NLRP5: variants seen among roughly 807,000 people sequenced by gnomAD.
The protein encoded by NLRP5 is NACHT, LRR and PYD domains-containing protein 5.
Under a neutral mutation model 113.1 loss-of-function variants are expected in NLRP5, and 93 were observed. That is an observed-to-expected ratio of 0.82 (90% confidence interval 0.70 to 0.98). The LOEUF (loss-of-function observed/expected upper bound fraction) is 0.98, where lower values mean the gene tolerates loss of function less well. NLRP5 is among the 50% of genes least tolerant of loss of function. The probability of loss-of-function intolerance (pLI) is 0.00; values close to 1 mark genes in which losing one functional copy is unlikely to be tolerated. For missense variants in NLRP5, 1,808 were observed against 1,514.3 expected (o/e 1.19, Z -3.22); for synonymous variants, 751 against 600.7 (o/e 1.25, Z -3.66).
At chr19:56,017,542 G>C (rs1055221716) in intron 4 of NLRP5, among the ~76,000 whole-genome samples, 2 of 152,004 alleles carry the variant, frequency 1.3e-5, no homozygotes, top group East Asian at 1.9e-4. Context: ...GGATCGTGTG[G>C]CTTCACTTCC....
the NLRP5 span, among the ~76,000 whole-genome samples, chr19:55,989,283 T>C: frequency 6.6e-6 from 1 of 152,180 alleles, no homozygotes; most frequent in Admixed American, 6.6e-5. Context: ...TTAGACAAAG[T>C]CTCCCTCTTT....
the NLRP5 span, among the ~76,000 whole-genome samples, chr19:55,990,959 G>A: frequency 6.6e-6 from 1 of 152,082 alleles, no homozygotes; most frequent in Non-Finnish European, 1.5e-5. Context: ...ACTCTAGCCT[G>A]GGCAACAAAA....
At chr19:55,999,463 G>A (rs767087373), upstream of NLRP5, among the ~76,000 whole-genome samples, 22 of 151,916 alleles carry the variant, frequency 1.4e-4, no homozygotes, top group Non-Finnish European at 2.6e-4. Context: ...TGATCTGCCC[G>A]CCTCGGCAGT....
intron 13 of NLRP5, 48 bp from the exon 14 acceptor site, chr19:56,058,191 GT>G (rs1984226703): frequency 7.1e-7 from 1 of 1,408,690 alleles, no homozygotes; most frequent in African/African-American, 1.4e-5. Flanking sequence ...TGAATGAAGG[GT>G]CCATCATCGA....
the NLRP5 span, among the ~76,000 whole-genome samples, chr19:55,991,817 T>A: frequency 2.0e-5 from 3 of 152,210 alleles, no homozygotes; most frequent in African/African-American, 7.2e-5. Context: ...ATATCAGATA[T>A]AAAGAATAGG....
chr19:56,006,773 T>G (rs1981930872), intron 2 of NLRP5, among the ~76,000 whole-genome samples: 1 of 151,252 alleles, frequency 6.6e-6, no homozygotes. Flanking sequence ...GGAGTCTGGC[T>G]CTGTCGCCCA....
chr19:56,055,537 C>CTTTTTTTTTTTTTTTTTTTTTTT (rs1160965587), intron 13 of NLRP5, among the ~76,000 whole-genome samples: 8 of 76,456 alleles, frequency 1.0e-4, no homozygotes, highest in Non-Finnish European at 1.7e-4. Flanking sequence ...CTTTCTCTGT[C>CTTTTTTTTTTTTTTTTTTTTTTT]TTTTTTTTTT....
At chr19:56,017,863 G>C (rs1278137513) in intron 4 of NLRP5, among the ~76,000 whole-genome samples, 1 of 152,204 alleles carries the variant, frequency 6.6e-6, no homozygotes, top group East Asian at 1.9e-4. Flanking sequence ...TCCCAGGATG[G>C]AGTGCGGTCG....
At position 56,003,897 on chromosome 19, in the gene NLRP5, G is replaced by A. The variant is rs780828462; in HGVS notation, c.244G>A (p.Glu82Lys). The A allele has an allele frequency of 1.2e-6, 2 of 1,613,978 alleles. No individual in the cohort carries two copies. The highest frequency in any genetic ancestry group is 4.5e-5 in the East Asian group (2 of 44,890). The change falls in exon 2 of 15, where the codon GAA becomes AAA. Residue 82 changes from glutamate (E) to lysine (K), a missense_variant. Coordinates refer to ENST00000390649, the MANE Select transcript of NLRP5 (RefSeq NM_153447.4). ...CAAGGAAGAATTTCAGACATTCAAG[G>A]AATTACTAAAGAAGAAATCTTCAGA...
rs372181060 is a variant in NLRP5 at position 56,055,534 on chromosome 19, TGTC to T, written c.3299+1727_3299+1729del. On this transcript the variant is annotated intron_variant, in intron 13 of 14. Coordinates refer to ENST00000390649, the MANE Select transcript of NLRP5 (RefSeq NM_153447.4). ...GCTCCATGTTCTATTTTTCTTTCTC[TGTC>T]TTTTTTTTTTTTTTTTTTTTTTTTT... is the stretch of plus-strand genomic sequence containing the variant. Among the ~76,000 whole-genome samples, 233 of 68,700 alleles carry T rather than the reference TGTC, an allele frequency of 3.4e-3. 7 individuals are homozygous for T. The highest frequency in any genetic ancestry group is 0.014 in the South Asian group (25 of 1,816). 45.1% of individuals were successfully genotyped at this position (68,700 alleles called of 152,430 possible).
At position 56,028,004 on chromosome 19, in the gene NLRP5, T is replaced by C; in HGVS notation, c.1771T>C (p.Cys591Arg). ...CTTCCACCTCAGTCTCCAGGACTTC[T>C]GTGCCGCCTTGTACTACGTGTTAGA... is the stretch of plus-strand genomic sequence containing the variant. Residue 591 changes from cysteine (C) to arginine (R), a missense_variant, in exon 7 of 15, where the codon TGT becomes CGT. Coordinates refer to ENST00000390649, the MANE Select transcript of NLRP5 (RefSeq NM_153447.4). The C allele has an allele frequency of 6.2e-7, 1 of 1,614,052 alleles. No individual in the cohort carries two copies. Among genetic ancestry groups the C allele is most frequent in the East Asian group, 2.2e-5 (1 of 44,888 alleles).
intron 11 of NLRP5, among the ~76,000 whole-genome samples, chr19:56,041,960 A>C (rs1264820172): frequency 6.6e-6 from 1 of 152,112 alleles, no homozygotes; most frequent in Non-Finnish European, 1.5e-5. Context: ...CTGCATCACA[A>C]AACAAACAAA....
chr19:55,991,739 T>G, the NLRP5 span, among the ~76,000 whole-genome samples: 2 of 152,194 alleles, frequency 1.3e-5, no homozygotes, highest in African/African-American at 2.4e-5. Context: ...TTTTCCACTT[T>G]TATACCTCCT....
Position 56,032,795 on chromosome 19 carries a change from C to A in NLRP5, c.2447+14C>A. ...ACAGACCCTGATGTAAGGCTGCCCG[C>A]CCCCTACGAGAGAATCCCTTCCCAT... On this transcript the variant is annotated intron_variant, in intron 8 of 14. Coordinates refer to ENST00000390649, the MANE Select transcript of NLRP5 (RefSeq NM_153447.4). The A allele has an allele frequency of 6.3e-7, 1 of 1,595,562 alleles. No homozygotes were observed.
At chr19:56,000,183 C>T (rs565652706) in intron 1 of NLRP5, among the ~76,000 whole-genome samples, 1 of 151,966 alleles carries the variant, frequency 6.6e-6, no homozygotes, top group African/African-American at 2.4e-5. Flanking sequence ...GCCACCTCTC[C>T]GCTCTTCTCA....
intron 5 of NLRP5, among the ~76,000 whole-genome samples, chr19:56,019,608 T>C (rs1982537845): frequency 6.6e-6 from 1 of 152,126 alleles, no homozygotes; most frequent in African/African-American, 2.4e-5. Context: ...AGTCAGATAC[T>C]ATGAAGACAA....
chr19:56,009,105 G>A (rs1183525253), intron 3 of NLRP5, among the ~76,000 whole-genome samples: 1 of 151,930 alleles, frequency 6.6e-6, no homozygotes, highest in Non-Finnish European at 1.5e-5. Flanking sequence ...TTGGGAGGCT[G>A]AGGTGGGCAG....
At chr19:56,055,359 C>T (rs1984092618) in intron 13 of NLRP5, among the ~76,000 whole-genome samples, 2 of 151,832 alleles carry the variant, frequency 1.3e-5, no homozygotes, top group Middle Eastern at 3.4e-3. Context: ...TCTCTGTCCC[C>T]TCAACTTCTT....
chr19:56,051,064 C>T (rs1363832314), intron 12 of NLRP5, among the ~76,000 whole-genome samples: 2 of 152,200 alleles, frequency 1.3e-5, no homozygotes, highest in Non-Finnish European at 2.9e-5. Flanking sequence ...ATGCAGTCAT[C>T]CCTGTTAGTG....
Sources: allele counts gnomAD v4.1 joint callset (sites outside exome capture counted in the v4.1 genomes callset), GRCh38; gene constraint gnomAD v4.1.1; transcripts MANE v1.5; gene names NCBI Gene and HGNC (gene_info 2026-07-23, HGNC 2026-07-21).